HERC1: variants seen among roughly 807,000 people sequenced by gnomAD.
HERC1 encodes the protein probable E3 ubiquitin-protein ligase HERC1.
HERC1 carries 160 observed loss-of-function variants against 554.3 expected under a neutral mutation model. The ratio of observed to expected loss-of-function variants is 0.29; its 90% CI spans 0.25 to 0.33. The LOEUF is 0.33. Ranked by LOEUF, HERC1 falls within the 10% of genes least tolerant of loss-of-function variation. HERC1 has a pLI of 1.00. For missense variants in HERC1, 4,919 were observed against 5,918.5 expected, an observed-to-expected ratio of 0.83 and a Z score of 5.54; for synonymous variants, 2,175 against 2,131.7, an observed-to-expected ratio of 1.02 and a Z score of -0.56.
chr15:63,716,606 A>C (rs1179053805), intron 21 of HERC1, 133 bp from the exon 22 acceptor site: 2 of 659,492 alleles, frequency 3.0e-6, no homozygotes, highest in Non-Finnish European at 4.9e-6. Flanking sequence ...TTACTACAAA[A>C]ACCCAAAAGA....
At chr15:63,703,916 C>CAA (rs1254785831) in intron 25 of HERC1, among the ~76,000 whole-genome samples, 24 of 117,178 alleles carry the variant, frequency 2.0e-4, no homozygotes, top group African/African-American at 7.0e-4. Flanking sequence ...GACACTGTCT[C>CAA]AAAAAAAAAA....
At chr15:63,726,976 G>A (rs770498889) in intron 17 of HERC1, among the ~76,000 whole-genome samples, 1 of 151,994 alleles carries the variant, frequency 6.6e-6, no homozygotes. Context: ...GTTCTGAGAC[G>A]CTTTAGAAAA....
At chr15:63,725,960 C>T (rs2074022377) in intron 17 of HERC1, among the ~76,000 whole-genome samples, 1 of 151,470 alleles carries the variant, frequency 6.6e-6, no homozygotes, top group African/African-American at 2.4e-5. Context: ...GATCCAGACC[C>T]ATGCTTTCTT....
chr15:63,775,709 A>G lies in HERC1; in HGVS notation c.-26-60T>C, dbSNP rs1370160409. On this transcript the variant is annotated intron_variant, in intron 1 of 77. Coordinates refer to ENST00000443617, the MANE Select transcript of HERC1 (RefSeq NM_003922.4). The surrounding 1 kb of genome is among the most constrained non-coding windows in gnomAD (Gnocchi z 4.0). Reference sequence around the variant, plus strand: ...ACAGAGGACTCATAAAATGTTTCCAAAATTTCATCTTACATTACAATTAAT... The same window carrying G: ...ACAGAGGACTCATAAAATGTTTCCAGAATTTCATCTTACATTACAATTAAT... The G allele has an allele frequency of 1.8e-6, 2 of 1,113,024 alleles. No homozygotes were observed. Among genetic ancestry groups the G allele is most frequent in the Non-Finnish European group, 1.3e-6 (1 of 770,014 alleles). 68.9% of individuals were successfully genotyped at this position (1,113,024 alleles called of 1,614,324 possible). A position where few individuals can be genotyped will look rare whatever the true frequency, so the allele number is the denominator to read the frequency against.
rs1179503173 is a variant in HERC1 at position 63,734,832 on chromosome 15, T to TA, written c.2537dup (p.Leu846PhefsTer28). 6.2e-7 allele frequency: 1 copy of TA among 1,611,012 alleles called. No individual in the cohort carries two copies. Among genetic ancestry groups the TA allele is most frequent in the Non-Finnish European group, 8.5e-7 (1 of 1,178,604 alleles). On this transcript the variant is annotated frameshift_variant, in exon 13 of 78. Transcript: ENST00000443617. LOFTEE classifies it high-confidence loss of function. This position sits in a 1 kb window ranked among gnomAD's most constrained non-coding sequence, Gnocchi z 4.6. The stretch of plus-strand genomic sequence containing the variant: ...GTAACAGCATGGTTGCTCCCACTGA[T>TA]AAAGTTTCAATTACCACCTAATATC...
At chr15:63,788,983 C>A (rs1267358612) in intron 1 of HERC1, among the ~76,000 whole-genome samples, 1 of 150,256 alleles carries the variant, frequency 6.7e-6, no homozygotes, top group African/African-American at 2.5e-5. Flanking sequence ...TTAACATTAA[C>A]CAATTTCATG....
At chr15:63,676,395 A>C (rs1043505910) in intron 37 of HERC1, among the ~76,000 whole-genome samples, 2 of 152,168 alleles carry the variant, frequency 1.3e-5, no homozygotes, top group Non-Finnish European at 2.9e-5. Flanking sequence ...TTTTTGGCTA[A>C]GATGATCCAT....
chr15:63,656,137 G>A lies in HERC1; in HGVS notation c.9821C>T (p.Ala3274Val). ...AYLSTAVGCL[A>V]SNAPSAAKLL... is the part of the protein sequence containing the mutation. ...TTTGGCAGCACTAGGAGCATTTGAT[G>A]CCAGACATCCCACTGCTGTGCTCAA... Residue 3274 changes from alanine to valine, a missense_variant, in exon 49 of 78, where the codon GCA becomes GTA. Coordinates refer to ENST00000443617, the MANE Select transcript of HERC1 (RefSeq NM_003922.4). 6.2e-7 allele frequency: 1 copy of A among 1,612,682 alleles called. No individual in the cohort carries two copies. Among genetic ancestry groups the A allele is most frequent in the Non-Finnish European group, 8.5e-7 (1 of 1,179,288 alleles).
intron 1 of HERC1, among the ~76,000 whole-genome samples, chr15:63,829,499 T>TATATATATATATACACAC (rs1336272062): frequency 1.9e-5 from 1 of 53,370 alleles, no homozygotes; most frequent in African/African-American, 5.8e-5. Flanking sequence ...TATATATATA[T>TATATATATATATACACAC]ACACACACAC....
rs1482787388 is a variant in HERC1, at chr15:63,609,154, C to T, written c.14513G>A (p.Arg4838His). The T allele has an allele frequency of 2.5e-6, 4 of 1,613,766 alleles. No individual in the cohort carries two copies. Among genetic ancestry groups the T allele is most frequent in the Middle Eastern group, 1.6e-4 (1 of 6,084 alleles). Reference protein sequence around the residue: ...ERLRYAINNCRSIDMDNYMLS... With the variant: ...ERLRYAINNCHSIDMDNYMLS... ...CATGTAGTTGTCCATGTCGATTGAG[C>T]GGCAGTTGTTGATGGCATAGCGCAG... Residue 4838 changes from arginine (R) to histidine (H), a missense_variant, in exon 78 of 78, where the codon CGC (arginine) becomes CAC (histidine). This residue lies in a region of HERC1 where 71 missense variants were observed against 101.4 expected (regional missense o/e 0.70). Transcript: ENST00000443617.
chr15:63,647,278 G>GC (rs1566969947), intron 55 of HERC1, among the ~76,000 whole-genome samples: 1 of 142,110 alleles, frequency 7.0e-6, no homozygotes, highest in African/African-American at 2.6e-5. Flanking sequence ...TACATTAAAA[G>GC]AAAAAAAAAA....
chr15:63,650,095 A>C (rs1341697735), intron 53 of HERC1, among the ~76,000 whole-genome samples, 170 bp from the exon 54 acceptor site: 1 of 152,186 alleles, frequency 6.6e-6, no homozygotes, highest in African/African-American at 2.4e-5. Context: ...ATAATACTAT[A>C]TATGATCATA....
intron 3 of HERC1, among the ~76,000 whole-genome samples, chr15:63,760,599 T>C (rs1451786974): frequency 1.3e-5 from 2 of 151,808 alleles, no homozygotes; most frequent in African/African-American, 4.8e-5. Context: ...ATACAGTAGA[T>C]AATGCCCTAA....
At chr15:63,625,880 AT>A (rs1422334043) in intron 71 of HERC1, 104 bp downstream of exon 71, 5 of 1,186,928 alleles carry the variant, frequency 4.2e-6, no homozygotes, top group Non-Finnish European at 6.1e-6. Flanking sequence ...CCATGAAAGA[AT>A]TTTCCAAAGG....
chr15:63,810,365 T>C (rs1026709924), intron 1 of HERC1, among the ~76,000 whole-genome samples: 3 of 152,078 alleles, frequency 2.0e-5, no homozygotes, highest in Non-Finnish European at 2.9e-5. Context: ...TTTTGATATA[T>C]ACTATGAGGA....
intron 45 of HERC1, among the ~76,000 whole-genome samples, 177 bp from the exon 46 acceptor site, chr15:63,661,202 C>T (rs894452978): frequency 2.0e-5 from 3 of 152,180 alleles, no homozygotes; most frequent in African/African-American, 7.2e-5. Context: ...TACACACATG[C>T]TTACAAAATC....
At chr15:63,652,362 AT>A in intron 52 of HERC1, 51 bp downstream of exon 52, 8 of 1,516,308 alleles carry the variant, frequency 5.3e-6, no homozygotes, top group Non-Finnish European at 7.1e-6. Flanking sequence ...AAGATGAGGC[AT>A]GTTTAGGATT....
At chr15:63,820,364 A>T (rs549142916) in intron 1 of HERC1, among the ~76,000 whole-genome samples, 5 of 152,342 alleles carry the variant, frequency 3.3e-5, no homozygotes, top group Admixed American at 3.3e-4. Flanking sequence ...TACATGACTG[A>T]ATACTTGGTT....
chr15:63,703,596 T>C (rs1039701550), intron 25 of HERC1, among the ~76,000 whole-genome samples: 6 of 151,830 alleles, frequency 4.0e-5, no homozygotes, highest in Admixed American at 1.3e-4. Flanking sequence ...AACAAGCACA[T>C]AGAATTCTTG....
Sources: gnomAD v4.1 joint callset for allele counts (sites outside exome capture counted in the v4.1 genomes callset) on GRCh38, gnomAD v4.1.1 for gene constraint, gnomAD v4.1.1 regional missense constraint, Gnocchi (gnomAD v3.1) non-coding constraint, MANE v1.5 for transcripts, NCBI Gene and HGNC (gene_info 2026-07-23, HGNC 2026-07-21) for gene names.